Variants in RAB3C observed in about 807,000 individuals in gnomAD.
The protein encoded by RAB3C is RAB3C, member RAS oncogene family, also known as ras-related protein Rab-3C.
Under a neutral mutation model 26.4 loss-of-function variants are expected in RAB3C, and 17 were observed. That is an observed-to-expected ratio of 0.64 (90% CI 0.44 to 0.97). The LOEUF is 0.97. Among genes scored for constraint, RAB3C ranks in the 50% least tolerant of loss-of-function variants. The pLI is 0.00. For missense variants in RAB3C, 242 were observed against 281.9 expected (o/e 0.86, Z 1.01); for synonymous variants, 91 against 95.9 (o/e 0.95, Z 0.30).
chr5:58,620,439 G>A (rs1000085649), intron 2 of RAB3C, among the ~76,000 whole-genome samples: 1 of 152,164 alleles, frequency 6.6e-6, no homozygotes. Context: ...AAGATTTTGT[G>A]CTTATGGAAC....
chr5:58,632,114 G>A lies in RAB3C; in HGVS notation c.252+14244G>A, dbSNP rs532612469. 3.7e-4 allele frequency among the ~76,000 whole-genome samples: 57 copies of A among 152,360 alleles called. 1 individual carries two copies. Among genetic ancestry groups the A allele is most frequent in the Admixed American group, 3.6e-3 (55 of 15,306 alleles). On this transcript the variant is annotated intron_variant, in intron 2 of 4. Transcript: ENST00000282878. The stretch of plus-strand genomic sequence containing the variant: ...GATTCTACAGTTGGGAGGCACTCAA[G>A]TTTGCAGATGGCCTGATCTCACAAT...
intron 2 of RAB3C, among the ~76,000 whole-genome samples, chr5:58,619,488 T>C (rs1746890706): frequency 6.6e-6 from 1 of 152,152 alleles, no homozygotes. Context: ...GGGGCTTTGG[T>C]GAATGGAAAA....
intron 3 of RAB3C, among the ~76,000 whole-genome samples, chr5:58,818,094 G>A (rs1317048933): frequency 6.6e-6 from 1 of 152,078 alleles, no homozygotes; most frequent in Non-Finnish European, 1.5e-5. Context: ...GACCCTAATC[G>A]ACAATTGTTT....
chr5:58,689,648 T>C (rs1748520609), intron 2 of RAB3C, among the ~76,000 whole-genome samples: 1 of 152,086 alleles, frequency 6.6e-6, no homozygotes, highest in South Asian at 2.1e-4. Context: ...TCCATTTGTC[T>C]AGTGGGAGAG....
intron 3 of RAB3C, chr5:58,788,295 G>A (rs750378659): frequency 3.9e-5 from 6 of 152,226 alleles, no homozygotes; most frequent in Non-Finnish European, 8.8e-5. Context: ...AGCCAAAGAT[G>A]GCTTTGTGTT....
intron 3 of RAB3C, among the ~76,000 whole-genome samples, chr5:58,744,999 C>T (rs969684077): frequency 1.3e-5 from 2 of 152,098 alleles, no homozygotes; most frequent in East Asian, 3.9e-4. Flanking sequence ...GCCTTTTTGG[C>T]CTATCTCTCA....
intron 2 of RAB3C, among the ~76,000 whole-genome samples, chr5:58,690,136 T>C (rs1173293644): frequency 6.6e-6 from 1 of 152,158 alleles, no homozygotes; most frequent in Admixed American, 6.6e-5. Context: ...CAGGAAAAGC[T>C]ATATAGACCT....
intron 3 of RAB3C, among the ~76,000 whole-genome samples, chr5:58,764,338 C>T (rs1741854745): frequency 6.6e-6 from 1 of 152,136 alleles, no homozygotes; most frequent in African/African-American, 2.4e-5. Context: ...TCAGCTGGGC[C>T]AAGACATTTA....
At chr5:58,617,076 C>T (rs1182408814) in intron 1 of RAB3C, among the ~76,000 whole-genome samples, 1 of 152,104 alleles carries the variant, frequency 6.6e-6, no homozygotes, top group African/African-American at 2.4e-5. Context: ...TAGTATCCGG[C>T]ACATTGTTTG....
intron 3 of RAB3C, among the ~76,000 whole-genome samples, chr5:58,802,329 A>G (rs1195445096): frequency 1.3e-5 from 2 of 152,214 alleles, no homozygotes; most frequent in Admixed American, 6.5e-5. Flanking sequence ...AAAGGAAGAC[A>G]AAGACCCTCT....
rs771231761 is a variant in RAB3C at position 58,851,144 on chromosome 5, T to C, written c.497-20T>C. 3.5e-5 allele frequency: 56 copies of C among 1,578,230 alleles called. No homozygotes were observed. The highest frequency in any genetic ancestry group is 4.6e-5 in the Non-Finnish European group (53 of 1,164,412). ...AGAAATGCAAAATAACCAAGATGTG[T>C]TTCTGTGTGTTTCTTCCAGGGTTTG... On this transcript the variant is annotated intron_variant, in intron 4 of 4. Transcript: ENST00000282878.
chr5:58,638,761 T>C (rs1382429985), intron 2 of RAB3C, among the ~76,000 whole-genome samples: 1 of 152,226 alleles, frequency 6.6e-6, no homozygotes, highest in East Asian at 1.9e-4. Flanking sequence ...TGTTAGAAGC[T>C]CTTGAAGCAG....
At chr5:58,583,437 C>A in intron 1 of RAB3C, 2 of 707,726 alleles carry the variant, frequency 2.8e-6, no homozygotes, top group Non-Finnish European at 3.5e-6. Context: ...AGGGATCGGG[C>A]TATTCGCAAT....
intron 2 of RAB3C, among the ~76,000 whole-genome samples, chr5:58,648,270 A>G (rs1018985691): frequency 2.0e-5 from 3 of 152,164 alleles, no homozygotes; most frequent in Non-Finnish European, 4.4e-5. Context: ...TCTAGTAGTA[A>G]TGATTTTGTT....
chr5:58,836,253 A>AAAATT (rs1554021660), intron 4 of RAB3C, among the ~76,000 whole-genome samples: 33,823 of 142,296 alleles, frequency 0.24, 4,174 homozygotes, highest in African/African-American at 0.33. Context: ...CTTTATTTTT[A>AAAATT]AAATTAAATT....
intron 3 of RAB3C, among the ~76,000 whole-genome samples, chr5:58,813,173 A>C (rs776457123): frequency 6.6e-6 from 1 of 152,206 alleles, no homozygotes; most frequent in South Asian, 2.1e-4. Context: ...GAATTAAATG[A>C]AATGATAAAG....
At chr5:58,721,599 C>T (rs1367731582) in intron 2 of RAB3C, among the ~76,000 whole-genome samples, 8 of 151,664 alleles carry the variant, frequency 5.3e-5, no homozygotes, top group African/African-American at 7.3e-5. Context: ...CATTAGTAAA[C>T]GTCAATTATA....
chr5:58,735,558 G>C (rs1384109858), intron 3 of RAB3C, among the ~76,000 whole-genome samples: 1 of 152,166 alleles, frequency 6.6e-6, no homozygotes, highest in Non-Finnish European at 1.5e-5. Flanking sequence ...AGTTCTGAAG[G>C]CTAGAAGTCC....
chr5:58,827,544 T>C (rs1374844059), intron 4 of RAB3C, among the ~76,000 whole-genome samples: 1 of 152,044 alleles, frequency 6.6e-6, no homozygotes, highest in Non-Finnish European at 1.5e-5. Context: ...ATAGGGTGAC[T>C]TTCCCACTGC....
Sources: gnomAD v4.1 joint callset for allele counts (sites outside exome capture counted in the v4.1 genomes callset) on GRCh38, gnomAD v4.1.1 for gene constraint, MANE v1.5 for transcripts, NCBI Gene and HGNC (gene_info 2026-07-23, HGNC 2026-07-21) for gene names.